The following SLAMF8 variants were observed in gnomAD, a reference collection of about 807,000 sequenced individuals.
SLAMF8 encodes the protein B lymphocyte activator macrophage expressed.
Under a neutral mutation model 29.0 loss-of-function variants are expected in SLAMF8, and 23 were observed. The ratio of observed to expected loss-of-function variants is 0.79; its 90% CI spans 0.57 to 1.13. The LOEUF (loss-of-function observed/expected upper bound fraction) is 1.13. Among genes scored for constraint, SLAMF8 ranks in the 50% most tolerant of loss-of-function variants. SLAMF8 has a pLI of 0.00. For missense variants in SLAMF8, 381 were observed against 353.1 expected (o/e 1.08, Z -0.63); for synonymous variants, 139 against 145.6 (o/e 0.96, Z 0.32).
Position 159,835,312 on chromosome 1 carries a change from C to T in SLAMF8, c.*52C>T. On this transcript the variant is annotated 3_prime_UTR_variant, in exon 5 of 5. Transcript: ENST00000289707. ...TATCAGTAACCCCACTGCACAGGCACACGATGCTCTGGGACATAACTGGTG... is the reference window on the plus strand; with the variant it reads ...TATCAGTAACCCCACTGCACAGGCATACGATGCTCTGGGACATAACTGGTG... 1 of 1,590,446 alleles carries T rather than the reference C, an allele frequency of 6.3e-7. No homozygotes were observed. Among genetic ancestry groups the T allele is most frequent in the Non-Finnish European group, 8.5e-7 (1 of 1,170,932 alleles).
chr1:159,827,199 A>T (rs1295504743), intron 1 of SLAMF8, among the ~76,000 whole-genome samples: 1 of 152,230 alleles, frequency 6.6e-6, no homozygotes, highest in Non-Finnish European at 1.5e-5. Flanking sequence ...GGCCCAGAGC[A>T]GTAAAAACGG....
At position 159,836,094 on chromosome 1, in the gene SLAMF8, G is replaced by C. The variant is rs963676162; in HGVS notation, c.*834G>C. 1.0e-6 allele frequency: 1 copy of C among 985,342 alleles called. No homozygotes were observed. The highest frequency in any genetic ancestry group is 1.2e-6 in the Non-Finnish European group (1 of 829,958). The allele number at this position is 985,342 out of a possible 1,614,324, so 61.0% of individuals were successfully genotyped here. ...AATACTGAATTTGCCCCAGCCAACA[G>C]GACGTTCTTGCACAACTTCAAGAAA... is the stretch of plus-strand genomic sequence containing the variant. On this transcript the variant is annotated 3_prime_UTR_variant, in exon 5 of 5. Coordinates refer to ENST00000289707, the MANE Select transcript of SLAMF8 (RefSeq NM_020125.3).
In SLAMF8 at chr1:159,836,081, G is replaced by T; in HGVS notation, c.*821G>T. Reference sequence around the variant, plus strand: ...GGCCAGGAAAAGAAATACTGAATTTGCCCCAGCCAACAGGACGTTCTTGCA... The same window carrying T: ...GGCCAGGAAAAGAAATACTGAATTTTCCCCAGCCAACAGGACGTTCTTGCA... On this transcript the variant is annotated 3_prime_UTR_variant, in exon 5 of 5. Transcript: ENST00000289707. 1.0e-6 allele frequency: 1 copy of T among 985,418 alleles called. No individual in the cohort carries two copies. Among genetic ancestry groups the T allele is most frequent in the African/African-American group, 1.7e-5 (1 of 57,344 alleles). The allele number at this position is 985,418 out of a possible 1,614,324, so 61.0% of individuals were successfully genotyped here. A position where few individuals can be genotyped will look rare whatever the true frequency, so the allele number is the denominator to read the frequency against.
intron 2 of SLAMF8, among the ~76,000 whole-genome samples, 153 bp from the exon 3 acceptor site, chr1:159,832,723 C>A (rs1452473046): frequency 6.6e-6 from 1 of 152,236 alleles, no homozygotes; most frequent in Non-Finnish European, 1.5e-5. Flanking sequence ...AATTCAGCTT[C>A]TGTCCTGTGG....
Position 159,829,871 on chromosome 1 carries a change from C to T in SLAMF8, c.46C>T (p.Leu16Phe). ...LWSLLLWEAL[L>F]PITVTGAQVL... is the part of the protein sequence containing the mutation. ...CAGGGGCTCTGTTCTTTCAGCCCTACTTCCCATTACAGTTACTGGTGCCCA... is the reference window on the plus strand; with the variant it reads ...CAGGGGCTCTGTTCTTTCAGCCCTATTTCCCATTACAGTTACTGGTGCCCA... The change falls in exon 2 of 5, where the codon CTT (leucine) becomes TTT (phenylalanine). Residue 16 changes from leucine (L) to phenylalanine (F), a missense_variant. Coordinates refer to ENST00000289707, the MANE Select transcript of SLAMF8 (RefSeq NM_020125.3). 6.2e-7 allele frequency: 1 copy of T among 1,604,400 alleles called. No homozygotes were observed. The highest frequency in any genetic ancestry group is 1.1e-5 in the South Asian group (1 of 89,920).
rs1301075252 is a variant in SLAMF8, at chr1:159,835,753, A to G, written c.*493A>G. ...CCCAGACCCTGCAGTTTGAGATCTG[A>G]TGCTTCCTGAGGGCCAAGGCATTGC... On this transcript the variant is annotated 3_prime_UTR_variant, in exon 5 of 5. Transcript: ENST00000289707. The G allele has an allele frequency of 1.1e-5, 11 of 985,690 alleles. No individual in the cohort carries two copies. The Admixed American group carries it at 6.7e-4, about 60-fold the overall frequency. 61.1% of individuals were successfully genotyped at this position (985,690 alleles called of 1,614,324 possible). A position where few individuals can be genotyped will look rare whatever the true frequency, so the allele number is the denominator to read the frequency against.
In SLAMF8 at chr1:159,833,330, G is replaced by T. The variant is rs767161944; in HGVS notation, c.742G>T (p.Val248Phe). The T allele has an allele frequency of 6.2e-7, 1 of 1,614,196 alleles. No individual in the cohort carries two copies. ...VVPVSLLLML[V>F]TLFSAWHWCP... is the part of the protein sequence containing the mutation. ...GCCTGTCTCGCTGCTCCTGATGCTGGTTACTCTCTTCTCTGCCTGGCACTG... is the reference window on the plus strand; with the variant it reads ...GCCTGTCTCGCTGCTCCTGATGCTGTTTACTCTCTTCTCTGCCTGGCACTG... Residue 248 changes from valine (V) to phenylalanine (F), a missense_variant, in exon 4 of 5, where the codon GTT becomes TTT. By Grantham distance (50) the Val-to-Phe change is conservative. Coordinates refer to ENST00000289707, the MANE Select transcript of SLAMF8 (RefSeq NM_020125.3).
Position 159,837,063 on chromosome 1 carries a change from C to A in SLAMF8, c.*1803C>A. 2 of 985,424 alleles carry A rather than the reference C, an allele frequency of 2.0e-6. No individual in the cohort carries two copies. The highest frequency in any genetic ancestry group is 2.4e-6 in the Non-Finnish European group (2 of 829,928). 61.0% of individuals were successfully genotyped at this position (985,424 alleles called of 1,614,324 possible). The stretch of plus-strand genomic sequence containing the variant: ...GGGAAAAAATACACAGCACTCCCCA[C>A]CTTTCTTTCGTTCATCTCCAGGGCC... On this transcript the variant is annotated 3_prime_UTR_variant, in exon 5 of 5. Transcript: ENST00000289707.
At position 159,832,982 on chromosome 1, in the gene SLAMF8, C is replaced by G. The variant is rs375344348; in HGVS notation, c.474C>G (p.Ser158Arg). ...VFLSCWAPNISEITYSWRRET... is the reference protein window; with the variant it reads ...VFLSCWAPNIREITYSWRRET... ...TGTCCTGTTGGGCCCCCAACATCAG[C>G]GAAATAACCTATAGCTGGCGACGGG... Residue 158 changes from serine (S) to arginine (R), a missense_variant, in exon 3 of 5, where the codon AGC (serine) becomes AGG (arginine). Coordinates refer to ENST00000289707, the MANE Select transcript of SLAMF8 (RefSeq NM_020125.3). 1.6e-5 allele frequency: 26 copies of G among 1,614,082 alleles called. No homozygotes were observed. The African/African-American group carries it at 3.5e-4, about 22-fold the overall frequency.
intron 4 of SLAMF8, chr1:159,834,332 G>A (rs1647736185): frequency 6.6e-6 from 1 of 152,250 alleles, no homozygotes; most frequent in Non-Finnish European, 1.5e-5. Flanking sequence ...CTCCAGCAGA[G>A]AGAAGGGCAA....
rs754606268 is a variant in SLAMF8, at chr1:159,833,276, T to G, written c.688T>G (p.Ser230Ala). The change falls in exon 4 of 5, where the codon TCC (serine) becomes GCC (alanine). Residue 230 changes from serine (S) to alanine (A), a missense_variant. Physicochemically the swap from Ser to Ala is moderately conservative, Grantham distance 99. Coordinates refer to ENST00000289707, the MANE Select transcript of SLAMF8 (RefSeq NM_020125.3). ...TCCATGTTCAGCACCAGGGAAGGCC[T>G]CCTACAAAGATGTGCTGCTGGTGGT... ...CHHEAAPGKASYKDVLLVVVP... is the reference protein window; with the variant it reads ...CHHEAAPGKAAYKDVLLVVVP... The G allele has an allele frequency of 4.7e-5, 76 of 1,614,014 alleles. No homozygotes were observed. Among genetic ancestry groups the G allele is most frequent in the Non-Finnish European group, 6.1e-5 (72 of 1,180,018 alleles).
At position 159,830,051 on chromosome 1, in the gene SLAMF8, T is replaced by G; in HGVS notation, c.226T>G (p.Phe76Val). Residue 76 changes from phenylalanine to valine, a missense_variant, in exon 2 of 5, where the codon TTC becomes GTC. Phe to Val is a conservative substitution (Grantham distance 50). Coordinates refer to ENST00000289707, the MANE Select transcript of SLAMF8 (RefSeq NM_020125.3). ...CCTGGAGACTCTGTACCATTCCCGC[T>G]TCCTGGGCCGAGCCCAGCTACACAG... ...GSLETLYHSRFLGRAQLHSNL... is the reference protein window; with the variant it reads ...GSLETLYHSRVLGRAQLHSNL... The G allele has an allele frequency of 6.2e-7, 1 of 1,614,242 alleles. No homozygotes were observed. Among genetic ancestry groups the G allele is most frequent in the Non-Finnish European group, 8.5e-7 (1 of 1,180,040 alleles).
In SLAMF8 at chr1:159,833,078, G is replaced by T. The variant is rs767652829; in HGVS notation, c.570G>T (p.Leu190=). 2 of 1,614,068 alleles carry T rather than the reference G, an allele frequency of 1.2e-6. No individual in the cohort carries two copies. The highest frequency in any genetic ancestry group is 1.7e-6 in the Non-Finnish European group (2 of 1,180,048). The change falls in exon 3 of 5, where the codon CTG becomes CTT. Residue 190 remains leucine (L), a synonymous_variant. Coordinates refer to ENST00000289707, the MANE Select transcript of SLAMF8 (RefSeq NM_020125.3). ...FTDGQVLSIS[L]GPGDRDVAYS... ...ACGGACAGGTGCTGAGCATTTCCCTGGGACCAGGAGACAGAGATGTGGCCT... is the reference window on the plus strand; with the variant it reads ...ACGGACAGGTGCTGAGCATTTCCCTTGGACCAGGAGACAGAGATGTGGCCT...
At chr1:159,830,761 T>C (rs1270359023) in intron 2 of SLAMF8, among the ~76,000 whole-genome samples, 1 of 152,344 alleles carries the variant, frequency 6.6e-6, no homozygotes, top group Non-Finnish European at 1.5e-5. Flanking sequence ...ATTAAAAGTA[T>C]AGAATTTACA....
At position 159,827,027 on chromosome 1, in the gene SLAMF8, G is replaced by A. The variant is rs150316214; in HGVS notation, c.40+89G>A. The A allele has an allele frequency of 8.0e-3, 12,192 of 1,527,056 alleles. 74 individuals carry two copies. Among genetic ancestry groups the A allele is most frequent in the Middle Eastern group, 0.012 (63 of 5,172 alleles). 94.6% of individuals were successfully genotyped at this position (1,527,056 alleles called of 1,614,324 possible). A position where few individuals can be genotyped will look rare whatever the true frequency, so the allele number is the denominator to read the frequency against. Reference sequence around the variant, plus strand: ...CCAGACGTCTGGGCAGGGATCCCTCGACCTGGGTGAGAACCCAGAAGCTGA... The same window carrying A: ...CCAGACGTCTGGGCAGGGATCCCTCAACCTGGGTGAGAACCCAGAAGCTGA... On this transcript the variant is annotated intron_variant, in intron 1 of 4. Coordinates refer to ENST00000289707, the MANE Select transcript of SLAMF8 (RefSeq NM_020125.3).
chr1:159,829,475 G>T (rs1557887538), intron 1 of SLAMF8, among the ~76,000 whole-genome samples: 2 of 152,176 alleles, frequency 1.3e-5, no homozygotes, highest in Non-Finnish European at 2.9e-5. Flanking sequence ...TCCTGCTCCA[G>T]GCCGCCCTCG....
Position 159,835,459 on chromosome 1 carries a change from T to C in SLAMF8, c.*199T>C. On this transcript the variant is annotated 3_prime_UTR_variant, in exon 5 of 5. Coordinates refer to ENST00000289707, the MANE Select transcript of SLAMF8 (RefSeq NM_020125.3). ...ACCAGCACGTTTCACACCTCCCCCTTCCCTCTCCCATCTTCTCATATCCTG... is the reference window on the plus strand; with the variant it reads ...ACCAGCACGTTTCACACCTCCCCCTCCCCTCTCCCATCTTCTCATATCCTG... The C allele has an allele frequency of 1.5e-6, 2 of 1,355,072 alleles. No individual in the cohort carries two copies. Among genetic ancestry groups the C allele is most frequent in the South Asian group, 1.9e-5 (1 of 52,944 alleles). The allele number at this position is 1,355,072 out of a possible 1,614,324, so 83.9% of individuals were successfully genotyped here.
At chr1:159,827,675 T>C (rs766435868) in intron 1 of SLAMF8, among the ~76,000 whole-genome samples, 6 of 152,184 alleles carry the variant, frequency 3.9e-5, no homozygotes, top group South Asian at 2.1e-4. Context: ...CAGAGGCTCA[T>C]AGGGACTTTG....
rs1441951007 is a variant in SLAMF8 at position 159,837,220 on chromosome 1, C to T, written c.*1960C>T. ...CAGGGCCTTGTTGAACAGATCCACA[C>T]TGCTCTAATAAAGTTCCCATCCTTA... is the stretch of plus-strand genomic sequence containing the variant. On this transcript the variant is annotated 3_prime_UTR_variant, in exon 5 of 5. Transcript: ENST00000289707. The T allele has an allele frequency of 2.0e-6, 2 of 985,480 alleles. No homozygotes were observed. The highest frequency in any genetic ancestry group is 3.5e-5 in the African/African-American group (2 of 57,356). 61.0% of individuals were successfully genotyped at this position (985,480 alleles called of 1,614,324 possible).
Sources: gnomAD v4.1 joint callset for allele counts (sites outside exome capture counted in the v4.1 genomes callset) on GRCh38, gnomAD v4.1.1 for gene constraint, MANE v1.5 for transcripts, NCBI Gene and HGNC (gene_info 2026-07-23, HGNC 2026-07-21) for gene names.